The following DST variants were observed in gnomAD, a reference collection of about 807,000 sequenced individuals.
DST encodes the protein bullous pemphigoid antigen.
In DST, 253 loss-of-function variants were observed where a neutral mutation model predicts 875.2. That is an observed-to-expected ratio of 0.29 (90% CI 0.26 to 0.32). The LOEUF is 0.32. Ranked by LOEUF, DST falls within the 10% of genes least tolerant of loss-of-function variation. DST has a pLI of 1.00. For missense variants in DST, 8,287 were observed against 9,111.6 expected (o/e 0.91, Z 3.68); for synonymous variants, 3,124 against 3,197.1 (o/e 0.98, Z 0.77).
At chr6:56,797,980 G>A (rs2099742291) in intron 4 of DST, among the ~76,000 whole-genome samples, 1 of 152,210 alleles carries the variant, frequency 6.6e-6, no homozygotes, top group Non-Finnish European at 1.5e-5. Context: ...TGAAGGCTGA[G>A]AGAGGTGAGA....
chr6:56,730,241 C>T (rs78839808), intron 5 of DST, among the ~76,000 whole-genome samples: 1,547 of 151,622 alleles, frequency 0.01, 27 homozygotes, highest in African/African-American at 0.035. Flanking sequence ...TAAACTACTC[C>T]TCCTAAACAC....
intron 4 of DST, among the ~76,000 whole-genome samples, chr6:56,792,841 G>A (rs2099730177): frequency 1.3e-5 from 2 of 152,108 alleles, no homozygotes; most frequent in African/African-American, 4.8e-5. Context: ...GCCAAAGCAG[G>A]TGGATTGCTT....
intron 3 of DST, among the ~76,000 whole-genome samples, chr6:56,899,641 A>C (rs1188301630): frequency 6.6e-6 from 1 of 152,254 alleles, no homozygotes. Flanking sequence ...TCTAATGCCA[A>C]AGCAAATAAA....
chr6:56,813,398 A>G (rs576188700), intron 4 of DST, among the ~76,000 whole-genome samples: 2 of 125,246 alleles, frequency 1.6e-5, no homozygotes, highest in Non-Finnish European at 3.0e-5. Context: ...AATAAAAAAA[A>G]AAATAAAATA....
At chr6:56,949,139 C>A (rs1449875606) in intron 2 of DST, among the ~76,000 whole-genome samples, 1 of 152,092 alleles carries the variant, frequency 6.6e-6, no homozygotes, top group Non-Finnish European at 1.5e-5. Flanking sequence ...CATTCTTGAG[C>A]CTTAAGATTA....
At chr6:56,921,680 A>G (rs970313823) in intron 2 of DST, among the ~76,000 whole-genome samples, 1 of 152,170 alleles carries the variant, frequency 6.6e-6, no homozygotes, top group African/African-American at 2.4e-5. Context: ...GAATAGGTGT[A>G]TATGTATATG....
intron 69 of DST, among the ~76,000 whole-genome samples, chr6:56,522,033 T>C (rs1490871277): frequency 6.6e-6 from 1 of 152,174 alleles, no homozygotes; most frequent in East Asian, 1.9e-4. Flanking sequence ...CTCTAGCTAC[T>C]GTAACTTCTG....
intron 4 of DST, chr6:56,842,910 T>C: frequency 1.4e-6 from 1 of 738,410 alleles, no homozygotes; most frequent in Non-Finnish European, 1.9e-6. Context: ...CTAAATCCCG[T>C]GCAAAAAGAC....
rs1466662830 is a variant in DST at position 56,514,609 on chromosome 6, ACACC to A, written c.18576+837_18576+840del. Among the ~76,000 whole-genome samples the A allele has an allele frequency of 6.0e-4, 88 of 147,044 alleles. 1 individual carries two copies. The highest frequency in any genetic ancestry group is 1.7e-3 in the African/African-American group (65 of 39,366). On this transcript the variant is annotated intron_variant, in intron 72 of 103. Transcript: ENST00000680361. ...CACACACACACACACACACACACAC[ACACC>A]CCCTCATGCGCATACACACACACAT...
chr6:56,875,648 G>A (rs771041649), intron 3 of DST, among the ~76,000 whole-genome samples: 1 of 152,142 alleles, frequency 6.6e-6, no homozygotes, highest in African/African-American at 2.4e-5. Context: ...AGACCAGAGT[G>A]TCTAATGGAC....
intron 36 of DST, chr6:56,620,331 G>A: frequency 6.2e-7 from 1 of 1,614,148 alleles, no homozygotes; most frequent in Non-Finnish European, 8.5e-7. Context: ...AAATTCAGGA[G>A]GTTCTCTTCC....
chr6:56,747,772 T>G (rs1167546193), intron 4 of DST, among the ~76,000 whole-genome samples: 1 of 152,212 alleles, frequency 6.6e-6, no homozygotes, highest in Non-Finnish European at 1.5e-5. Context: ...TCAATAAGCA[T>G]CATTTCTACA....
intron 72 of DST, among the ~76,000 whole-genome samples, chr6:56,513,233 T>G (rs1187937529): frequency 2.8e-4 from 3 of 10,820 alleles, no homozygotes; most frequent in African/African-American, 7.4e-4. Flanking sequence ...GAGAGGAGCC[T>G]TTTTTTTTTT....
At chr6:56,723,012 C>T (rs1342744058) in intron 5 of DST, among the ~76,000 whole-genome samples, 2 of 152,086 alleles carry the variant, frequency 1.3e-5, no homozygotes, top group Non-Finnish European at 2.9e-5. Flanking sequence ...AATCTTATCA[C>T]ATGAGAATAA....
At chr6:56,618,715 T>C in intron 36 of DST, 2 of 1,613,934 alleles carry the variant, frequency 1.2e-6, no homozygotes, top group South Asian at 1.1e-5. Context: ...GCCTAATGCC[T>C]GAAATATCAT....
chr6:56,669,930 C>T (rs1242013281), intron 10 of DST, among the ~76,000 whole-genome samples: 1 of 152,174 alleles, frequency 6.6e-6, no homozygotes, highest in African/African-American at 2.4e-5. Flanking sequence ...CTATTTACCA[C>T]CCCAAAACTG....
chr6:56,521,207 C>G (rs17684260), intron 69 of DST, among the ~76,000 whole-genome samples: 1,566 of 152,030 alleles, frequency 0.01, 13 homozygotes, highest in Non-Finnish European at 0.017. Context: ...TGTAAAGCTA[C>G]AGGTAAAAAT....
chr6:56,495,478 TC>T (rs930182462), intron 82 of DST, among the ~76,000 whole-genome samples: 2 of 151,980 alleles, frequency 1.3e-5, no homozygotes, highest in African/African-American at 4.8e-5. Context: ...CTTATATTCT[TC>T]TAAGTTAACA....
At position 56,627,346 on chromosome 6, in the gene DST, A is replaced by G. The variant is rs560808966; in HGVS notation, c.4639-59T>C. ...AAGGAATTCAGCTATTCTACTACAT[A>G]AGATGCTCAGTAACTAAGACATATC... On this transcript the variant is annotated intron_variant, in intron 33 of 103. Coordinates refer to ENST00000680361, the MANE Select transcript of DST (RefSeq NM_001374736.1). 39 of 1,187,418 alleles carry G rather than the reference A, an allele frequency of 3.3e-5. No homozygotes were observed. In the Admixed American group the frequency reaches 6.6e-4, roughly 20 times the overall value. The allele number at this position is 1,187,418 out of a possible 1,614,324, so 73.6% of individuals were successfully genotyped here.
Sources: allele counts gnomAD v4.1 joint callset (sites outside exome capture counted in the v4.1 genomes callset), GRCh38; gene constraint gnomAD v4.1.1; transcripts MANE v1.5; gene names NCBI Gene and HGNC (gene_info 2026-07-23, HGNC 2026-07-21).